Variants in NKAIN2 observed in about 807,000 individuals in gnomAD.
The protein encoded by NKAIN2 is sodium/potassium-transporting ATPase subunit beta-1-interacting protein 2.
In NKAIN2, 14 loss-of-function variants were observed where a neutral mutation model predicts 32.6. The ratio of observed to expected loss-of-function variants is 0.43; its 90% CI spans 0.28 to 0.67. The LOEUF is 0.67. NKAIN2 is among the 30% of genes least tolerant of loss of function. The pLI is 0.17. For missense variants in NKAIN2, 198 were observed against 258.3 expected, an observed-to-expected ratio of 0.77 and a Z score of 1.60; for synonymous variants, 80 against 87.2, an observed-to-expected ratio of 0.92 and a Z score of 0.46.
At chr6:124,715,745 T>C (rs1775722870) in intron 4 of NKAIN2, among the ~76,000 whole-genome samples, 1 of 152,184 alleles carries the variant, frequency 6.6e-6, no homozygotes, top group African/African-American at 2.4e-5. Flanking sequence ...CCTGATTTCT[T>C]CCTCTTCTTT....
At chr6:124,498,070 C>G (rs1778135478) in intron 3 of NKAIN2, among the ~76,000 whole-genome samples, 1 of 152,088 alleles carries the variant, frequency 6.6e-6, no homozygotes, top group African/African-American at 2.4e-5. Flanking sequence ...TTGAGAAGAA[C>G]AGGGTGAGTA....
At chr6:124,523,105 A>T (rs525158) in intron 3 of NKAIN2, among the ~76,000 whole-genome samples, 38,994 of 55,888 alleles carry the variant, frequency 0.7, 14,605 homozygotes, top group East Asian at 0.99. Context: ...ATCGCGCCAC[A>T]GCACTCCCGC....
intron 1 of NKAIN2, among the ~76,000 whole-genome samples, chr6:124,238,174 G>T (rs971863253): frequency 2.6e-5 from 4 of 151,544 alleles, no homozygotes; most frequent in Admixed American, 1.3e-4. Flanking sequence ...TAGCCAGGGG[G>T]GAAGAAAAAC....
At chr6:123,959,128 C>T (rs1490349723) in intron 1 of NKAIN2, among the ~76,000 whole-genome samples, 2 of 152,066 alleles carry the variant, frequency 1.3e-5, no homozygotes, top group Non-Finnish European at 2.9e-5. Flanking sequence ...GTCTGTGGGT[C>T]TAGAAAATGA....
chr6:124,020,384 T>C (rs1408992918), intron 1 of NKAIN2, among the ~76,000 whole-genome samples: 1 of 152,150 alleles, frequency 6.6e-6, no homozygotes, highest in Admixed American at 6.5e-5. Flanking sequence ...TCTTATGCAG[T>C]TTATCCTAAA....
At chr6:124,062,109 A>AT (rs997879211) in intron 1 of NKAIN2, among the ~76,000 whole-genome samples, 2 of 152,224 alleles carry the variant, frequency 1.3e-5, no homozygotes, top group Non-Finnish European at 2.9e-5. Context: ...CATTACAATG[A>AT]TACGTAAATA....
intron 1 of NKAIN2, among the ~76,000 whole-genome samples, chr6:124,099,709 C>T (rs1262137015): frequency 2.0e-5 from 3 of 152,054 alleles, no homozygotes; most frequent in South Asian, 2.1e-4. Context: ...ATGTATGTAG[C>T]GGTGGGATGG....
At chr6:124,628,655 T>C (rs528953705) in intron 3 of NKAIN2, among the ~76,000 whole-genome samples, 1 of 152,084 alleles carries the variant, frequency 6.6e-6, no homozygotes, top group South Asian at 2.1e-4. Flanking sequence ...TAAACAGATA[T>C]TTCATGTCCC....
intron 1 of NKAIN2, among the ~76,000 whole-genome samples, chr6:123,854,013 T>C (rs560564577): frequency 8.3e-4 from 127 of 152,230 alleles, no homozygotes; most frequent in African/African-American, 2.9e-3. Context: ...CCTCAGGTGC[T>C]CCGCCTGCCT....
At chr6:124,067,730 A>G (rs1003143834) in intron 1 of NKAIN2, among the ~76,000 whole-genome samples, 1 of 152,190 alleles carries the variant, frequency 6.6e-6, no homozygotes, top group African/African-American at 2.4e-5. Context: ...TCATTCTGCT[A>G]CTGACTAGAT....
At chr6:123,859,219 CT>C (rs1343493038) in intron 1 of NKAIN2, among the ~76,000 whole-genome samples, 1 of 152,028 alleles carries the variant, frequency 6.6e-6, no homozygotes, top group Non-Finnish European at 1.5e-5. Flanking sequence ...TTCACTGATG[CT>C]GTGAACAGAT....
intron 1 of NKAIN2, among the ~76,000 whole-genome samples, chr6:124,067,530 T>C (rs140253130): frequency 1.1e-3 from 167 of 152,248 alleles, no homozygotes; most frequent in African/African-American, 4.0e-3. Context: ...CACATTACAA[T>C]AAGAATCTCT....
At chr6:123,949,218 T>G (rs2114578264) in intron 1 of NKAIN2, among the ~76,000 whole-genome samples, 1 of 152,074 alleles carries the variant, frequency 6.6e-6, no homozygotes, top group Non-Finnish European at 1.5e-5. Context: ...CTACCTGACT[T>G]GAGTAAGGTA....
intron 3 of NKAIN2, among the ~76,000 whole-genome samples, chr6:124,600,058 C>T (rs929276388): frequency 6.6e-6 from 1 of 151,984 alleles, no homozygotes; most frequent in African/African-American, 2.4e-5. Context: ...AAGTCTGGGC[C>T]ACTGAGAGGG....
At chr6:124,237,012 G>T (rs1320384497) in intron 1 of NKAIN2, among the ~76,000 whole-genome samples, 1 of 152,094 alleles carries the variant, frequency 6.6e-6, no homozygotes, top group Non-Finnish European at 1.5e-5. Context: ...TGGGTGTGTG[G>T]GATCAAGGAA....
At chr6:124,626,193 G>A (rs1783335568) in intron 3 of NKAIN2, among the ~76,000 whole-genome samples, 2 of 147,094 alleles carry the variant, frequency 1.4e-5, no homozygotes, top group Non-Finnish European at 3.0e-5. Context: ...TCTTGTATCA[G>A]TATCTAAGGA....
chr6:124,065,137 A>G (rs747110691), intron 1 of NKAIN2, among the ~76,000 whole-genome samples: 1 of 152,144 alleles, frequency 6.6e-6, no homozygotes, highest in Non-Finnish European at 1.5e-5. Flanking sequence ...CCACAAAGGT[A>G]AAGATTTTCA....
intron 3 of NKAIN2, among the ~76,000 whole-genome samples, chr6:124,548,089 C>T (rs1780160611): frequency 6.6e-6 from 1 of 152,132 alleles, no homozygotes; most frequent in Admixed American, 6.6e-5. Context: ...TTTCTTTTCT[C>T]TTATGAAAGC....
At chr6:124,689,899 C>T (rs1308124249) in intron 4 of NKAIN2, among the ~76,000 whole-genome samples, 2 of 152,058 alleles carry the variant, frequency 1.3e-5, no homozygotes, top group Non-Finnish European at 2.9e-5. Context: ...ACTGCTCCAA[C>T]TTTGGTCTTT....
Sources: gnomAD v4.1 joint callset for allele counts (sites outside exome capture counted in the v4.1 genomes callset) on GRCh38, gnomAD v4.1.1 for gene constraint, MANE v1.5 for transcripts, NCBI Gene and HGNC (gene_info 2026-07-23, HGNC 2026-07-21) for gene names.